The following POLA1 variants were observed in gnomAD, a reference collection of about 807,000 sequenced individuals.
POLA1 encodes the protein DNA polymerase alpha catalytic subunit.
POLA1 carries 15 observed loss-of-function variants against 124.0 expected under a neutral mutation model. The ratio of observed to expected loss-of-function variants is 0.12; its 90% CI spans 0.08 to 0.19. The LOEUF is 0.19. POLA1 is among the 10% of genes least tolerant of loss of function. The pLI is 1.00. For synonymous variants in POLA1, 408 were observed against 389.4 expected (o/e 1.05, Z -0.56); for missense variants, 886 against 1,103.4 (o/e 0.80, Z 2.79).
At chrX:24,797,429 T>C (rs1483516492) in intron 26 of POLA1, among the ~76,000 whole-genome samples, 1 of 111,614 alleles carries the variant, frequency 9.0e-6, no homozygotes, top group Non-Finnish European at 1.9e-5. Flanking sequence ...CCTTATACAT[T>C]ATCTGTTTTT....
chrX:24,726,712 TG>T (rs1930559214), intron 13 of POLA1, among the ~76,000 whole-genome samples: 1 of 111,657 alleles, frequency 9.0e-6, no homozygotes, highest in South Asian at 3.7e-4. Context: ...TTTCTTCTAA[TG>T]GGTGTCATCA....
At chrX:24,977,255 T>C (rs1487718919) in intron 36 of POLA1, among the ~76,000 whole-genome samples, 1 of 112,189 alleles carries the variant, frequency 8.9e-6, no homozygotes, top group Non-Finnish European at 1.9e-5. Context: ...TTTGAGACCT[T>C]TCTTGTCTTA....
At chrX:24,715,243 A>G in intron 6 of POLA1, 40 bp downstream of exon 6, 8 of 843,260 alleles carry the variant, frequency 9.5e-6, no homozygotes, top group Non-Finnish European at 1.4e-5. Context: ...TGCAGAGGAC[A>G]TAGACTGAAG....
rs11573488 is a variant in POLA1 at position 24,946,049 on chromosome X, G to A, written c.4261+15500G>A. Among the ~76,000 whole-genome samples the A allele has an allele frequency of 1.8e-3, 197 of 111,647 alleles. 1 individual carries two copies. Among genetic ancestry groups the A allele is most frequent in the African/African-American group, 6.0e-3 (184 of 30,753 alleles). Reference sequence around the variant, plus strand: ...ACATTATTTTCCCCCATTAACTTGCGTCATGAATGAAGGAATAGGGCTGCT... The same window carrying A: ...ACATTATTTTCCCCCATTAACTTGCATCATGAATGAAGGAATAGGGCTGCT... On this transcript the variant is annotated intron_variant, in intron 36 of 36. Coordinates refer to ENST00000379068, the MANE Select transcript of POLA1 (RefSeq NM_001330360.2).
rs1409432687 is a variant in POLA1, at chrX:24,950,322, T to C, written c.4261+19773T>C. On this transcript the variant is annotated intron_variant, in intron 36 of 36. Coordinates refer to ENST00000379068, the MANE Select transcript of POLA1 (RefSeq NM_001330360.2). ...AGCCTCTAGCCCCACATGTAGCTGT[T>C]GAACACTTGAATGTAGCTAGTGCGA... is the stretch of plus-strand genomic sequence containing the variant. 3.6e-5 allele frequency among the ~76,000 whole-genome samples: 4 copies of C among 112,064 alleles called. No homozygotes were observed. In the East Asian group the frequency reaches 1.1e-3, roughly 31 times the overall value.
intron 26 of POLA1, among the ~76,000 whole-genome samples, chrX:24,750,323 CAG>C (rs1471299404): frequency 8.9e-6 from 1 of 112,857 alleles, no homozygotes; most frequent in African/African-American, 3.2e-5. Context: ...CTGCACTATC[CAG>C]TGCTGTAGTC....
rs766117329 is a variant in POLA1 at position 24,825,950 on chromosome X, A to T, written c.3562-477A>T. ...CAGTGATACATGGCTCTCATAGAAA[A>T]TATTACTCCCGGGATCTTTGAGTTA... On this transcript the variant is annotated intron_variant, in intron 31 of 36. Coordinates refer to ENST00000379068, the MANE Select transcript of POLA1 (RefSeq NM_001330360.2). 2.2e-4 allele frequency among the ~76,000 whole-genome samples: 25 copies of T among 111,990 alleles called. No homozygotes were observed. In the South Asian group the frequency reaches 5.7e-3, roughly 26 times the overall value.
At chrX:24,835,240 C>T (rs1448870133) in intron 32 of POLA1, among the ~76,000 whole-genome samples, 2 of 109,880 alleles carry the variant, frequency 1.8e-5, no homozygotes, top group African/African-American at 6.6e-5. Flanking sequence ...TTAGTAGAGA[C>T]GGGGTTTCAC....
intron 34 of POLA1, among the ~76,000 whole-genome samples, chrX:24,874,464 G>A (rs749843762): frequency 1.8e-5 from 2 of 111,801 alleles, no homozygotes; most frequent in Admixed American, 1.9e-4. Context: ...GAGCAAGAGT[G>A]AACCACCAAA....
At chrX:24,760,390 A>G (rs1314992286) in intron 26 of POLA1, among the ~76,000 whole-genome samples, 1 of 111,513 alleles carries the variant, frequency 9.0e-6, no homozygotes, top group African/African-American at 3.3e-5. Context: ...CCACCCCCCA[A>G]ATGAATCACA....
intron 26 of POLA1, among the ~76,000 whole-genome samples, chrX:24,782,569 C>G (rs931820551): frequency 1.8e-5 from 2 of 111,622 alleles, no homozygotes; most frequent in African/African-American, 6.5e-5. Context: ...TTGATTTCAA[C>G]AGAGTGCTAC....
At chrX:24,792,160 G>A (rs987027502) in intron 26 of POLA1, among the ~76,000 whole-genome samples, 4 of 111,558 alleles carry the variant, frequency 3.6e-5, no homozygotes, top group Non-Finnish European at 5.6e-5. Context: ...GAGTAAGACT[G>A]TGGTCATTAT....
At chrX:24,902,393 T>C (rs1264688898) in intron 35 of POLA1, among the ~76,000 whole-genome samples, 1 of 111,727 alleles carries the variant, frequency 9.0e-6, no homozygotes, top group African/African-American at 3.3e-5. Context: ...TAGAAGATGC[T>C]CCAGTGTTAT....
rs953224167 is a variant in POLA1 at position 24,852,702 on chromosome X, C to A, written c.4047+9025C>A. ...GACACTTCTTCCAAGTTTTTGTTTT[C>A]GTTTTTACTGTGCTATAGTGTAACT... On this transcript the variant is annotated intron_variant, in intron 34 of 36. Transcript: ENST00000379068. 7.2e-5 allele frequency among the ~76,000 whole-genome samples: 8 copies of A among 111,884 alleles called. No homozygotes were observed. The Admixed American group carries it at 7.6e-4, about 11-fold the overall frequency.
intron 35 of POLA1, among the ~76,000 whole-genome samples, chrX:24,913,826 G>A (rs1386539633): frequency 1.8e-5 from 2 of 110,107 alleles, no homozygotes; most frequent in African/African-American, 3.3e-5. Context: ...TCGGGAGTTC[G>A]AGACCAACGT....
At chrX:24,752,486 G>A (rs192904959) in intron 26 of POLA1, among the ~76,000 whole-genome samples, 440 of 111,936 alleles carry the variant, frequency 3.9e-3, no homozygotes, top group Non-Finnish European at 6.1e-3. Context: ...TGTGTAGAGA[G>A]GCATAAAAAA....
chrX:24,912,066 C>T lies in POLA1; in HGVS notation c.4165-18387C>T, dbSNP rs185757406. Among the ~76,000 whole-genome samples the T allele has an allele frequency of 2.7e-5, 3 of 112,330 alleles. No homozygotes were observed. The East Asian group carries it at 8.4e-4, about 31-fold the overall frequency. ...GTAGACCAATGGAAGAGAATAGACT[C>T]ACAAGTGTGGCCATTTTATTTTTAG... On this transcript the variant is annotated intron_variant, in intron 35 of 36. Coordinates refer to ENST00000379068, the MANE Select transcript of POLA1 (RefSeq NM_001330360.2).
intron 20 of POLA1, 54 bp downstream of exon 20, chrX:24,739,604 A>C: frequency 2.6e-6 from 2 of 781,634 alleles, no homozygotes; most frequent in Middle Eastern, 3.8e-4. Flanking sequence ...CAACAGCAGG[A>C]CACTACTAGT....
chrX:24,733,002 T>G (rs1931031644), intron 16 of POLA1, among the ~76,000 whole-genome samples: 1 of 112,234 alleles, frequency 8.9e-6, no homozygotes, highest in South Asian at 3.7e-4. Flanking sequence ...ATATATTCCA[T>G]GTTGAGAGCT....
Sources: allele counts gnomAD v4.1 joint callset (sites outside exome capture counted in the v4.1 genomes callset), GRCh38; gene constraint gnomAD v4.1.1; transcripts MANE v1.5; gene names NCBI Gene and HGNC (gene_info 2026-07-23, HGNC 2026-07-21).